Variants in ULK4 observed in about 807,000 individuals in gnomAD.
The protein encoded by ULK4 is unc-51 like kinase 4, also known as inactive serine/threonine-protein kinase ULK4.
Under a neutral mutation model 160.6 loss-of-function variants are expected in ULK4, and 133 were observed. The observed-to-expected ratio is 0.83, with a 90% confidence interval of 0.72 to 0.96. The LOEUF (loss-of-function observed/expected upper bound fraction) is 0.96. Among genes scored for constraint, ULK4 ranks in the 40% least tolerant of loss-of-function variants. The probability of loss-of-function intolerance (pLI) is 0.00; values close to 1 mark genes in which losing one functional copy is unlikely to be tolerated. For missense variants in ULK4, 1,580 were observed against 1,499.5 expected (o/e 1.05, Z -0.89); for synonymous variants, 534 against 539.8 (o/e 0.99, Z 0.15).
intron 30 of ULK4, among the ~76,000 whole-genome samples, chr3:41,650,305 C>G (rs769233919): frequency 3.9e-5 from 6 of 152,176 alleles, no homozygotes; most frequent in Non-Finnish European, 5.9e-5. Flanking sequence ...TGAAACACAC[C>G]CCCTGCTCGC....
rs558653453 is a variant in ULK4 at position 41,494,789 on chromosome 3, GACAA to G, written c.3227-31540_3227-31537del. Among the ~76,000 whole-genome samples the G allele has an allele frequency of 6.1e-4, 93 of 152,090 alleles. 2 individuals are homozygous for G. In the South Asian group the frequency reaches 0.017, roughly 28 times the overall value. On this transcript the variant is annotated intron_variant, in intron 32 of 36. Transcript: ENST00000301831. The stretch of plus-strand genomic sequence containing the variant: ...CAAGCATTCTTATACACCAATAACA[GACAA>G]ACAGAGAGCCAAATCAGGAGTGAAC...
At chr3:41,450,349 G>C (rs1017705438) in intron 34 of ULK4, among the ~76,000 whole-genome samples, 2 of 152,160 alleles carry the variant, frequency 1.3e-5, no homozygotes, top group African/African-American at 4.8e-5. Flanking sequence ...ACATAAGCAA[G>C]TCTAGGCATT....
At chr3:41,382,502 TA>T (rs1288303735) in intron 35 of ULK4, among the ~76,000 whole-genome samples, 1 of 152,218 alleles carries the variant, frequency 6.6e-6, no homozygotes, top group Non-Finnish European at 1.5e-5. Context: ...TTATTTACCA[TA>T]ATTGTTATTG....
chr3:41,888,418 C>CAT (rs751878412), intron 16 of ULK4, among the ~76,000 whole-genome samples: 5 of 152,164 alleles, frequency 3.3e-5, no homozygotes, highest in Non-Finnish European at 7.4e-5. Flanking sequence ...TTAAGACTGA[C>CAT]AGAGAACCAA....
At chr3:41,836,312 A>G (rs1159926924) in intron 17 of ULK4, among the ~76,000 whole-genome samples, 1 of 152,066 alleles carries the variant, frequency 6.6e-6, no homozygotes, top group African/African-American at 2.4e-5. Flanking sequence ...AGCTGGGATT[A>G]CAAGCGCACG....
Position 41,602,423 on chromosome 3 carries a change from G to A in ULK4, c.3120+13246C>T, listed in dbSNP as rs904727166. ...GGGGAAGGGAAGGGGAAAGGAAGGA[G>A]AAAGAAAAAAGAGAAAAGAGAAAGA... On this transcript the variant is annotated intron_variant, in intron 31 of 36. Transcript: ENST00000301831. Among the ~76,000 whole-genome samples, 12 of 150,856 alleles carry A rather than the reference G, an allele frequency of 8.0e-5. No homozygotes were observed. In the South Asian group the frequency reaches 1.0e-3, roughly 13 times the overall value.
At chr3:41,641,478 C>T (rs2034190953) in intron 30 of ULK4, among the ~76,000 whole-genome samples, 1 of 152,188 alleles carries the variant, frequency 6.6e-6, no homozygotes, top group Non-Finnish European at 1.5e-5. Context: ...GGGAGGATCA[C>T]TTGAGCCCAG....
chr3:41,883,135 G>C (rs1310635981), intron 17 of ULK4, among the ~76,000 whole-genome samples: 1 of 152,058 alleles, frequency 6.6e-6, no homozygotes, highest in Non-Finnish European at 1.5e-5. Context: ...AGGCCAGCTG[G>C]GATACTATCC....
chr3:41,480,843 C>A (rs1490788329), intron 32 of ULK4, among the ~76,000 whole-genome samples: 1 of 152,052 alleles, frequency 6.6e-6, no homozygotes, highest in African/African-American at 2.4e-5. Context: ...AGGAGAAGTG[C>A]AGAGTGAAGG....
intron 22 of ULK4, among the ~76,000 whole-genome samples, chr3:41,743,698 C>A: frequency 6.6e-6 from 1 of 152,000 alleles, no homozygotes; most frequent in Admixed American, 6.5e-5. Context: ...GGGAGCCTTG[C>A]TCTGTTGCCC....
At chr3:41,734,731 G>T (rs1280317359) in intron 22 of ULK4, among the ~76,000 whole-genome samples, 4 of 152,172 alleles carry the variant, frequency 2.6e-5, no homozygotes, top group African/African-American at 7.2e-5. Flanking sequence ...AAGTTGCACT[G>T]AAGCATTTTA....
At chr3:41,343,299 T>C (rs1193632412) in intron 35 of ULK4, among the ~76,000 whole-genome samples, 6 of 116,530 alleles carry the variant, frequency 5.1e-5, no homozygotes. Flanking sequence ...CAAAAACTTT[T>C]TTTTTTTTTT....
intron 31 of ULK4, among the ~76,000 whole-genome samples, chr3:41,614,371 T>C (rs530492325): frequency 3.9e-5 from 6 of 152,344 alleles, no homozygotes; most frequent in African/African-American, 1.4e-4. Context: ...ACTCAACAGT[T>C]TGCTAGACCA....
At chr3:41,515,523 G>A (rs2085721014) in intron 32 of ULK4, among the ~76,000 whole-genome samples, 1 of 152,184 alleles carries the variant, frequency 6.6e-6, no homozygotes, top group African/African-American at 2.4e-5. Flanking sequence ...AAAGGAAAGA[G>A]GTTTAACTGA....
At chr3:41,864,968 T>G (rs140069582) in intron 17 of ULK4, among the ~76,000 whole-genome samples, 1 of 151,784 alleles carries the variant, frequency 6.6e-6, no homozygotes, top group African/African-American at 2.4e-5. Context: ...AGAGCCAAAC[T>G]TTTTCTAAGA....
chr3:41,850,785 G>C (rs1454463466), intron 17 of ULK4, among the ~76,000 whole-genome samples: 1 of 152,100 alleles, frequency 6.6e-6, no homozygotes, highest in African/African-American at 2.4e-5. Context: ...GGTAGCTGCT[G>C]TTGCTGTGCA....
intron 22 of ULK4, among the ~76,000 whole-genome samples, chr3:41,751,845 C>G (rs1425927771): frequency 6.6e-6 from 1 of 152,154 alleles, no homozygotes; most frequent in African/African-American, 2.4e-5. Flanking sequence ...ATCATAGGCA[C>G]AGGAAACAGC....
At chr3:41,283,658 G>T (rs565418700) in intron 35 of ULK4, among the ~76,000 whole-genome samples, 1 of 152,212 alleles carries the variant, frequency 6.6e-6, no homozygotes, top group East Asian at 1.9e-4. Flanking sequence ...GTAGGGGGCT[G>T]GGGGAGGGAT....
At chr3:41,496,403 A>G (rs1039969316) in intron 32 of ULK4, among the ~76,000 whole-genome samples, 1 of 152,096 alleles carries the variant, frequency 6.6e-6, no homozygotes, top group African/African-American at 2.4e-5. Flanking sequence ...GACTCCTGAG[A>G]GAGGAAAAAC....
Sources: allele counts gnomAD v4.1 joint callset (sites outside exome capture counted in the v4.1 genomes callset), GRCh38; gene constraint gnomAD v4.1.1; transcripts MANE v1.5; gene names NCBI Gene and HGNC (gene_info 2026-07-23, HGNC 2026-07-21).